Variants in UNC5C observed in about 807,000 individuals in gnomAD.
UNC5C encodes unc-5 netrin receptor C.
Under a neutral mutation model 99.8 loss-of-function variants are expected in UNC5C, and 47 were observed. That is an observed-to-expected ratio of 0.47 (90% CI 0.37 to 0.60). UNC5C has a LOEUF of 0.60. UNC5C is among the 20% of genes least tolerant of loss of function. The probability of loss-of-function intolerance (pLI) is 0.00; values close to 1 mark genes in which losing one functional copy is unlikely to be tolerated. For missense variants in UNC5C, 1,062 were observed against 1,165.9 expected (o/e 0.91, Z 1.30); for synonymous variants, 487 against 452.2 (o/e 1.08, Z -0.98).
intron 1 of UNC5C, among the ~76,000 whole-genome samples, chr4:95,472,396 C>T (rs1054387465): frequency 1.3e-5 from 2 of 152,060 alleles, no homozygotes; most frequent in African/African-American, 4.8e-5. Flanking sequence ...GTATGAGGAT[C>T]ATGAGGGGGA....
In UNC5C at chr4:95,196,160, A is replaced by G. The variant is rs991973839; in HGVS notation, c.2136+6571T>C. 3.3e-5 allele frequency among the ~76,000 whole-genome samples: 5 copies of G among 152,102 alleles called. No individual in the cohort carries two copies. In the South Asian group the frequency reaches 1.0e-3, roughly 32 times the overall value. ...GTTTCTCCTAGGTGTTTTTAAACTT[A>G]CTCCAAATATAACCTTGCTCTTGGT... On this transcript the variant is annotated intron_variant, in intron 12 of 15. Coordinates refer to ENST00000453304, the MANE Select transcript of UNC5C (RefSeq NM_003728.4).
intron 1 of UNC5C, among the ~76,000 whole-genome samples, chr4:95,544,276 A>C (rs755842221): frequency 1.3e-5 from 2 of 152,212 alleles, no homozygotes; most frequent in Non-Finnish European, 2.9e-5. Flanking sequence ...GGCATACACC[A>C]TTAACAGCTC....
At chr4:95,251,143 G>T (rs1438761059) in intron 4 of UNC5C, among the ~76,000 whole-genome samples, 1 of 152,146 alleles carries the variant, frequency 6.6e-6, no homozygotes, top group Non-Finnish European at 1.5e-5. Context: ...AGCACAAAAG[G>T]CATTTTAGAC....
rs146554525 is a variant in UNC5C at position 95,344,458 on chromosome 4, A to T, written c.125-8827T>A. 2.0e-5 allele frequency among the ~76,000 whole-genome samples: 3 copies of T among 152,130 alleles called. No homozygotes were observed. In the South Asian group the frequency reaches 6.2e-4, roughly 31 times the overall value. On this transcript the variant is annotated intron_variant, in intron 1 of 15. Coordinates refer to ENST00000453304, the MANE Select transcript of UNC5C (RefSeq NM_003728.4). ...ATGAGATGCAAAAAGGAGTTCTTCA[A>T]TTGGAAAGAAAATGTTAATGAGCAA...
At chr4:95,541,926 G>T (rs146563345) in intron 1 of UNC5C, among the ~76,000 whole-genome samples, 1 of 152,188 alleles carries the variant, frequency 6.6e-6, no homozygotes, top group East Asian at 1.9e-4. Flanking sequence ...ATGCATCAAT[G>T]AACTTGTTAA....
At chr4:95,517,753 T>C (rs556319313) in intron 1 of UNC5C, among the ~76,000 whole-genome samples, 10 of 152,322 alleles carry the variant, frequency 6.6e-5, no homozygotes, top group Admixed American at 5.9e-4. Flanking sequence ...ATCACGTTTC[T>C]GTTACAAAGT....
At chr4:95,389,859 T>C (rs1348680216) in intron 1 of UNC5C, among the ~76,000 whole-genome samples, 2 of 152,126 alleles carry the variant, frequency 1.3e-5, no homozygotes, top group Non-Finnish European at 2.9e-5. Context: ...TTTAGACATA[T>C]TGAATTAAAA....
At chr4:95,185,424 C>T (rs1002421364) in intron 12 of UNC5C, among the ~76,000 whole-genome samples, 2 of 152,138 alleles carry the variant, frequency 1.3e-5, no homozygotes, top group African/African-American at 4.8e-5. Flanking sequence ...TGGCAGTCTA[C>T]ATCACACTGT....
chr4:95,378,086 T>TA (rs1744948349), intron 1 of UNC5C, among the ~76,000 whole-genome samples: 1 of 152,168 alleles, frequency 6.6e-6, no homozygotes, highest in African/African-American at 2.4e-5. Context: ...AAAAGCCACA[T>TA]AGTTAATAGA....
intron 14 of UNC5C, among the ~76,000 whole-genome samples, chr4:95,176,801 C>A (rs9759488): frequency 0.02 from 2,997 of 152,366 alleles, 105 homozygotes; most frequent in African/African-American, 0.068. Context: ...CTTTGTTTAC[C>A]TAAGCAAGTC....
chr4:95,228,059 G>C (rs942209719), intron 7 of UNC5C, among the ~76,000 whole-genome samples: 1 of 152,140 alleles, frequency 6.6e-6, no homozygotes, highest in Non-Finnish European at 1.5e-5. Context: ...GCTTTCCTTG[G>C]TGTTTACACT....
chr4:95,545,552 T>TAAA (rs58156541), intron 1 of UNC5C, among the ~76,000 whole-genome samples: 3 of 147,682 alleles, frequency 2.0e-5, no homozygotes, highest in African/African-American at 7.4e-5. Flanking sequence ...ATATGTTATT[T>TAAA]AAAAAAAAAA....
intron 3 of UNC5C, among the ~76,000 whole-genome samples, chr4:95,293,625 T>C (rs1316631816): frequency 1.3e-5 from 2 of 152,086 alleles, no homozygotes; most frequent in African/African-American, 4.8e-5. Context: ...GTTATAAACA[T>C]TATGCATGTA....
intron 1 of UNC5C, among the ~76,000 whole-genome samples, chr4:95,489,455 G>T (rs562187020): frequency 6.6e-6 from 1 of 151,802 alleles, no homozygotes; most frequent in South Asian, 2.1e-4. Flanking sequence ...TTATTCTGAG[G>T]ATAGAGATGA....
intron 1 of UNC5C, among the ~76,000 whole-genome samples, chr4:95,520,360 A>G (rs1345568635): frequency 2.0e-5 from 3 of 152,268 alleles, no homozygotes; most frequent in East Asian, 3.9e-4. Flanking sequence ...ATTTTTTAAC[A>G]CCGATTGACT....
chr4:95,174,087 A>G (rs1228699591), intron 14 of UNC5C, among the ~76,000 whole-genome samples: 1 of 152,098 alleles, frequency 6.6e-6, no homozygotes, highest in African/African-American at 2.4e-5. Flanking sequence ...CATTGGTGAT[A>G]TCCCCTTTAT....
chr4:95,514,752 A>G (rs1722171056), intron 1 of UNC5C, among the ~76,000 whole-genome samples: 1 of 151,730 alleles, frequency 6.6e-6, no homozygotes, highest in Non-Finnish European at 1.5e-5. Flanking sequence ...GGCTCACTGC[A>G]ACCTCTGCCT....
chr4:95,498,862 T>C (rs1721698082), intron 1 of UNC5C, among the ~76,000 whole-genome samples: 1 of 152,148 alleles, frequency 6.6e-6, no homozygotes, highest in Admixed American at 6.6e-5. Flanking sequence ...CTATTTCAAC[T>C]ACTGATACTT....
intron 1 of UNC5C, among the ~76,000 whole-genome samples, chr4:95,356,193 CAAAAA>C (rs59097041): frequency 5.2e-5 from 3 of 58,006 alleles, no homozygotes; most frequent in Middle Eastern, 0.014. Flanking sequence ...GACCCTGTAG[CAAAAA>C]AAAAAAAAAA....
Sources: allele counts gnomAD v4.1 joint callset (sites outside exome capture counted in the v4.1 genomes callset), GRCh38; gene constraint gnomAD v4.1.1; transcripts MANE v1.5; gene names NCBI Gene and HGNC (gene_info 2026-07-23, HGNC 2026-07-21).